Variants in FAM47E observed in about 807,000 individuals in gnomAD.
FAM47E encodes the protein protein FAM47E.
FAM47E carries 32 observed loss-of-function variants against 41.6 expected under a neutral mutation model. The ratio of observed to expected loss-of-function variants is 0.77; its 90% CI spans 0.58 to 1.03. The LOEUF is 1.03. FAM47E is among the 50% of genes least tolerant of loss of function. The pLI, the probability that FAM47E is intolerant of heterozygous loss-of-function variation, is 0.00. For missense variants in FAM47E, 424 were observed against 485.4 expected (o/e 0.87, Z 1.19); for synonymous variants, 184 against 188.7 (o/e 0.98, Z 0.20).
At chr4:76,237,116 C>T (rs1209578996) in intron 2 of FAM47E, among the ~76,000 whole-genome samples, 8 of 151,802 alleles carry the variant, frequency 5.3e-5, no homozygotes, top group African/African-American at 1.5e-4. Flanking sequence ...AGGATGGTCT[C>T]GATCTCCTGA....
intron 2 of FAM47E, among the ~76,000 whole-genome samples, chr4:76,238,744 T>A (rs1183041139): frequency 6.6e-6 from 1 of 152,156 alleles, no homozygotes; most frequent in African/African-American, 2.4e-5. Flanking sequence ...TTACCACAAT[T>A]TTTAATTGTG....
chr4:76,276,364 G>GTTTT (rs145661561), intron 5 of FAM47E, among the ~76,000 whole-genome samples: 26 of 140,630 alleles, frequency 1.8e-4, no homozygotes, highest in African/African-American at 3.2e-4. Flanking sequence ...ACTTTTTTTT[G>GTTTT]TTTGTTTGTT....
At chr4:76,278,267 A>T in intron 6 of FAM47E, 43 bp downstream of exon 6, 1 of 1,436,952 alleles carries the variant, frequency 7.0e-7, no homozygotes. Flanking sequence ...GCTTCAGATG[A>T]TCACAGTGCA....
intron 2 of FAM47E, among the ~76,000 whole-genome samples, chr4:76,241,884 A>G (rs1333206424): frequency 6.6e-6 from 1 of 152,226 alleles, no homozygotes; most frequent in African/African-American, 2.4e-5. Context: ...GAAATCCTTT[A>G]TAGAAGCTGC....
At chr4:76,278,357 C>A (rs1735216338) in intron 6 of FAM47E, 133 bp downstream of exon 6, 4 of 972,658 alleles carry the variant, frequency 4.1e-6, no homozygotes, top group Non-Finnish European at 5.5e-6. Flanking sequence ...ATATTGAATT[C>A]AGCAAGGAGA....
At chr4:76,262,308 T>C (rs1421779831) in intron 2 of FAM47E, among the ~76,000 whole-genome samples, 1 of 152,236 alleles carries the variant, frequency 6.6e-6, no homozygotes, top group South Asian at 2.1e-4. Flanking sequence ...ATATAGTTAA[T>C]GATCATAAAT....
At chr4:76,225,818 T>G (rs1432693619) in intron 2 of FAM47E, among the ~76,000 whole-genome samples, 1 of 152,236 alleles carries the variant, frequency 6.6e-6, no homozygotes, top group African/African-American at 2.4e-5. Context: ...TTTGTTTCCA[T>G]GTTCATCAGG....
intron 2 of FAM47E, among the ~76,000 whole-genome samples, chr4:76,237,377 G>T (rs13146980): frequency 0.8 from 113,012 of 141,764 alleles, 45,396 homozygotes; most frequent in Non-Finnish European, 0.87. Flanking sequence ...TTGTTTGTTT[G>T]TTTTTTTTTT....
rs111485581 is a variant in FAM47E at position 76,233,961 on chromosome 4, A to T, written c.81+16273A>T. ...AGAGGAAAGAAAAAAAGTTTAAAAA[A>T]TGCCTGGGGAAGAACCTCTTATTCT... is the stretch of plus-strand genomic sequence containing the variant. On this transcript the variant is annotated intron_variant, in intron 2 of 7. Transcript: ENST00000510197. Among the ~76,000 whole-genome samples, 876 of 152,330 alleles carry T rather than the reference A, an allele frequency of 5.8e-3. 11 individuals are homozygous for T. The highest frequency in any genetic ancestry group is 0.02 in the African/African-American group (828 of 41,574).
intron 2 of FAM47E, chr4:76,234,589 C>G (rs72858533): frequency 0.11 from 16,915 of 152,154 alleles, 1,049 homozygotes; most frequent in African/African-American, 0.18. Flanking sequence ...GTGAACTTCC[C>G]GAGACTCCAC....
At chr4:76,217,609 T>A (rs1335452540) in exon 2 of FAM47E, 4 of 594,972 alleles carry the variant, frequency 6.7e-6, no homozygotes, top group Non-Finnish European at 9.2e-6. Flanking sequence ...CCTCATCCAA[T>A]GCAGATGTCT....
intron 2 of FAM47E, among the ~76,000 whole-genome samples, chr4:76,240,769 C>T (rs947782174): frequency 6.6e-6 from 1 of 152,072 alleles, no homozygotes; most frequent in Admixed American, 6.6e-5. Flanking sequence ...TAGGTTTTCT[C>T]TCTCTTTATT....
chr4:76,238,472 T>C (rs1026476825), intron 2 of FAM47E, among the ~76,000 whole-genome samples: 1 of 152,196 alleles, frequency 6.6e-6, no homozygotes, highest in Non-Finnish European at 1.5e-5. Flanking sequence ...TGTTTCCTCA[T>C]ACTACATTTA....
At chr4:76,251,947 C>A in intron 1 of FAM47E, 127 bp downstream of exon 1, 1 of 1,217,594 alleles carries the variant, frequency 8.2e-7, no homozygotes, top group Non-Finnish European at 1.1e-6. Context: ...TCAATGCTTC[C>A]TGTACGTACA....
intron 2 of FAM47E, among the ~76,000 whole-genome samples, chr4:76,245,403 A>G (rs1482337018): frequency 6.6e-6 from 1 of 152,178 alleles, no homozygotes; most frequent in Non-Finnish European, 1.5e-5. Context: ...AGTTTGAGTC[A>G]TGTGACAAAA....
intron 2 of FAM47E, among the ~76,000 whole-genome samples, chr4:76,236,110 A>AT (rs1733582575): frequency 6.6e-6 from 1 of 151,968 alleles, no homozygotes; most frequent in African/African-American, 2.4e-5. Context: ...ATTAAAGAAC[A>AT]TTTTTTGTGT....
At chr4:76,221,178 T>C (rs1318172997) in intron 2 of FAM47E, among the ~76,000 whole-genome samples, 1 of 152,212 alleles carries the variant, frequency 6.6e-6, no homozygotes, top group African/African-American at 2.4e-5. Context: ...GGGGACAGGC[T>C]TTCTCCTCTG....
chr4:76,248,207 C>T (rs975089289), upstream of FAM47E, among the ~76,000 whole-genome samples: 3 of 151,952 alleles, frequency 2.0e-5, no homozygotes, highest in African/African-American at 7.3e-5. Context: ...AGCCACCGCG[C>T]CTGGCCTCTT....
chr4:76,273,114 G>A (rs1413514124), intron 5 of FAM47E, among the ~76,000 whole-genome samples: 5 of 152,144 alleles, frequency 3.3e-5, no homozygotes, highest in Admixed American at 6.5e-5. Context: ...TATATACTGC[G>A]TTTTTTGATA....
Sources: gnomAD v4.1 joint callset for allele counts (sites outside exome capture counted in the v4.1 genomes callset) on GRCh38, gnomAD v4.1.1 for gene constraint, MANE v1.5 for transcripts, NCBI Gene and HGNC (gene_info 2026-07-23, HGNC 2026-07-21) for gene names.